PREX1: variants seen among roughly 807,000 people sequenced by gnomAD.
PREX1 encodes the protein phosphatidylinositol 3,4,5-trisphosphate-dependent Rac exchanger 1 protein.
A neutral mutation model predicts 198.3 loss-of-function variants in PREX1; 41 were observed. The observed-to-expected ratio is 0.21, with a 90% CI of 0.16 to 0.27. The LOEUF is 0.27. Among genes scored for constraint, PREX1 ranks in the 10% least tolerant of loss-of-function variants. PREX1 has a pLI of 1.00. For synonymous variants in PREX1, 843 were observed against 887.2 expected, an observed-to-expected ratio of 0.95 and a Z score of 0.89; for missense variants, 1,620 against 2,200.7, an observed-to-expected ratio of 0.74 and a Z score of 5.28.
chr20:48,730,445 A>ACACACG (rs2090030048), intron 4 of PREX1, among the ~76,000 whole-genome samples: 1 of 150,832 alleles, frequency 6.6e-6, no homozygotes, highest in Admixed American at 6.7e-5. Flanking sequence ...ACACACACAC[A>ACACACG]CACGCACATC....
At chr20:48,781,818 G>A (rs1256509725) in intron 1 of PREX1, among the ~76,000 whole-genome samples, 1 of 152,174 alleles carries the variant, frequency 6.6e-6, no homozygotes, top group African/African-American at 2.4e-5. Flanking sequence ...CTACGAATTT[G>A]CATGCCCTCA....
intron 1 of PREX1, among the ~76,000 whole-genome samples, chr20:48,772,219 C>T (rs2090239466): frequency 8.0e-6 from 1 of 124,602 alleles, no homozygotes; most frequent in African/African-American, 2.8e-5. Flanking sequence ...AATAAAATAA[C>T]TAAAAAAATA....
chr20:48,735,429 A>G (rs539318017), intron 3 of PREX1, among the ~76,000 whole-genome samples: 1 of 152,310 alleles, frequency 6.6e-6, no homozygotes, highest in African/African-American at 2.4e-5. Flanking sequence ...GGGAGGCTGC[A>G]GGAAATAGGA....
intron 5 of PREX1, among the ~76,000 whole-genome samples, chr20:48,710,717 G>A (rs957824200): frequency 5.9e-5 from 9 of 152,346 alleles, no homozygotes; most frequent in Admixed American, 2.6e-4. Context: ...GGGAAGTGCC[G>A]TGGTCTGAGA....
chr20:48,718,704 A>C (rs2089972770), intron 5 of PREX1, among the ~76,000 whole-genome samples: 1 of 152,228 alleles, frequency 6.6e-6, no homozygotes, highest in Non-Finnish European at 1.5e-5. Flanking sequence ...TATTTCAGGA[A>C]AACACTAGTC....
the PREX1 span, among the ~76,000 whole-genome samples, chr20:48,836,994 T>C: frequency 6.6e-6 from 1 of 150,512 alleles, no homozygotes; most frequent in Non-Finnish European, 1.5e-5. Flanking sequence ...CCCAAACTGC[T>C]AGAAAAAGTG....
intron 1 of PREX1, among the ~76,000 whole-genome samples, chr20:48,823,695 G>A (rs985988756): frequency 6.6e-6 from 1 of 152,222 alleles, no homozygotes; most frequent in Non-Finnish European, 1.5e-5. Flanking sequence ...AGTAACAGGA[G>A]GAAGCGCAGG....
rs541894312 is a variant in PREX1, at chr20:48,636,885, T to C, written c.3947-202A>G. On this transcript the variant is annotated intron_variant, in intron 31 of 39. Coordinates refer to ENST00000371941, the MANE Select transcript of PREX1 (RefSeq NM_020820.4). ...TCAATTCTACGAAAAGCAAGCCCAT[T>C]TGCCAAAACTGTTCTCTCAGTGACT... 2.6e-5 allele frequency among the ~76,000 whole-genome samples: 4 copies of C among 152,330 alleles called. No homozygotes were observed. The South Asian group carries it at 8.3e-4, about 32-fold the overall frequency.
chr20:48,756,469 CTT>C (rs11383728), intron 1 of PREX1, among the ~76,000 whole-genome samples: 2 of 148,592 alleles, frequency 1.3e-5, no homozygotes. Context: ...GAAGAGATAG[CTT>C]TTTTTTTTTT....
chr20:48,851,536 T>C, the PREX1 span, among the ~76,000 whole-genome samples: 4 of 151,952 alleles, frequency 2.6e-5, no homozygotes, highest in Non-Finnish European at 5.9e-5. Context: ...AAATAAATAA[T>C]AAATAAATCT....
At chr20:48,752,392 C>G (rs1411239746) in intron 1 of PREX1, among the ~76,000 whole-genome samples, 1 of 152,198 alleles carries the variant, frequency 6.6e-6, no homozygotes, top group African/African-American at 2.4e-5. Flanking sequence ...CCACATTTAC[C>G]CATGTTGATA....
chr20:48,711,599 A>C (rs1407645592), intron 5 of PREX1, among the ~76,000 whole-genome samples: 1 of 152,152 alleles, frequency 6.6e-6, no homozygotes, highest in East Asian at 1.9e-4. Flanking sequence ...TGTAAAAAAA[A>C]GTTTTGTCGG....
At chr20:48,884,137 TAAAA>T in the PREX1 span, among the ~76,000 whole-genome samples, 1 of 118,924 alleles carries the variant, frequency 8.4e-6, no homozygotes, top group Admixed American at 9.0e-5. Context: ...AAACTCCGTC[TAAAA>T]AAAAAAAAAA....
chr20:48,639,641 T>C, intron 30 of PREX1, 125 bp downstream of exon 30: 1 of 1,414,360 alleles, frequency 7.1e-7, no homozygotes, highest in South Asian at 1.4e-5. Context: ...ATCACTTCTC[T>C]TGTCCTCTCC....
upstream of PREX1, among the ~76,000 whole-genome samples, chr20:48,829,384 T>A (rs971753968): frequency 6.6e-5 from 10 of 152,178 alleles, no homozygotes; most frequent in African/African-American, 1.9e-4. Context: ...TTATTCCTGT[T>A]CCAAAAGCCT....
chr20:48,765,696 T>G (rs1348818770), intron 1 of PREX1, among the ~76,000 whole-genome samples: 1 of 152,210 alleles, frequency 6.6e-6, no homozygotes, highest in Non-Finnish European at 1.5e-5. Context: ...CCCATGGGGC[T>G]ATACTGCTTC....
At chr20:48,737,860 T>G (rs1337218259) in intron 3 of PREX1, among the ~76,000 whole-genome samples, 2 of 152,154 alleles carry the variant, frequency 1.3e-5, no homozygotes, top group African/African-American at 4.8e-5. Flanking sequence ...GAGAAAGACC[T>G]GGTCCTGAAA....
At chr20:48,772,741 GCCAGGAT>G (rs2090242698) in intron 1 of PREX1, among the ~76,000 whole-genome samples, 1 of 152,340 alleles carries the variant, frequency 6.6e-6, no homozygotes, top group Admixed American at 6.5e-5. Flanking sequence ...CTGCCGTCCA[GCCAGGAT>G]GGCCGCATGG....
intron 35 of PREX1, among the ~76,000 whole-genome samples, 161 bp from the exon 36 acceptor site, chr20:48,630,955 CTG>C (rs1444364554): frequency 5.9e-5 from 9 of 152,110 alleles, no homozygotes; most frequent in African/African-American, 1.9e-4. Context: ...CCGCAGGCAC[CTG>C]TTCCTACAAC....
Sources: gnomAD v4.1 joint callset for allele counts (sites outside exome capture counted in the v4.1 genomes callset) on GRCh38, gnomAD v4.1.1 for gene constraint, MANE v1.5 for transcripts, NCBI Gene and HGNC (gene_info 2026-07-23, HGNC 2026-07-21) for gene names.